The following LDB2 variants were observed in gnomAD, a reference collection of about 807,000 sequenced individuals.
LDB2 encodes the protein LIM domain-binding protein 2.
LDB2 carries 12 observed loss-of-function variants against 44.3 expected under a neutral mutation model. The observed-to-expected ratio is 0.27, with a 90% CI of 0.17 to 0.44. The LOEUF (loss-of-function observed/expected upper bound fraction) is 0.44, where lower values mean the gene tolerates loss of function less well. Ranked by LOEUF, LDB2 falls within the 20% of genes least tolerant of loss-of-function variation. The pLI, the probability that LDB2 is intolerant of heterozygous loss-of-function variation, is 1.00. For missense variants in LDB2, 344 were observed against 473.5 expected (o/e 0.73, Z 2.54); for synonymous variants, 164 against 174.8 (o/e 0.94, Z 0.49).
At chr4:16,890,047 G>A (rs941544629) in intron 1 of LDB2, among the ~76,000 whole-genome samples, 7 of 152,162 alleles carry the variant, frequency 4.6e-5, no homozygotes, top group Non-Finnish European at 1.0e-4. Context: ...ATACTTAGCT[G>A]AGTTATTACA....
intron 2 of LDB2, among the ~76,000 whole-genome samples, chr4:16,680,368 C>T (rs1207723661): frequency 3.9e-5 from 6 of 152,180 alleles, no homozygotes; most frequent in Admixed American, 2.6e-4. Context: ...TCTGCTTCAG[C>T]CTGCTCTTTG....
chr4:16,886,101 C>T (rs1012052785), intron 1 of LDB2, among the ~76,000 whole-genome samples: 1 of 151,692 alleles, frequency 6.6e-6, no homozygotes, highest in African/African-American at 2.4e-5. Context: ...TGCCTGTAGT[C>T]CCAGATACTC....
At chr4:16,874,832 C>G (rs1004476312) in intron 1 of LDB2, among the ~76,000 whole-genome samples, 1 of 152,142 alleles carries the variant, frequency 6.6e-6, no homozygotes, top group Non-Finnish European at 1.5e-5. Context: ...TTAGTAATAC[C>G]TAACCAATGT....
intron 1 of LDB2, among the ~76,000 whole-genome samples, chr4:16,868,741 A>G (rs74686156): frequency 0.015 from 2,303 of 152,258 alleles, 54 homozygotes; most frequent in African/African-American, 0.053. Context: ...CCTTTATCTC[A>G]GTGCCTTTCG....
intron 2 of LDB2, among the ~76,000 whole-genome samples, chr4:16,666,987 T>A (rs1236718565): frequency 5.9e-5 from 9 of 152,192 alleles, no homozygotes; most frequent in African/African-American, 9.7e-5. Flanking sequence ...GGTTGATTAG[T>A]TAACCTCCTG....
intron 2 of LDB2, among the ~76,000 whole-genome samples, chr4:16,729,922 C>T (rs1760380352): frequency 6.6e-6 from 1 of 152,102 alleles, no homozygotes; most frequent in South Asian, 2.1e-4. Flanking sequence ...GGGTATGAGT[C>T]GTTGTCGTGT....
At chr4:16,819,343 T>C (rs144016639) in intron 1 of LDB2, among the ~76,000 whole-genome samples, 7 of 151,908 alleles carry the variant, frequency 4.6e-5, no homozygotes, top group African/African-American at 1.2e-4. Context: ...TGTTAGGTTA[T>C]ATCTGACATA....
chr4:16,755,860 C>T (rs1404149382), intron 2 of LDB2, among the ~76,000 whole-genome samples: 2 of 152,112 alleles, frequency 1.3e-5, no homozygotes, highest in East Asian at 3.9e-4. Flanking sequence ...CTTAGGGATG[C>T]ACAGGCCAAT....
intron 5 of LDB2, among the ~76,000 whole-genome samples, chr4:16,553,560 T>C (rs1019501968): frequency 1.3e-5 from 2 of 152,124 alleles, no homozygotes; most frequent in Non-Finnish European, 2.9e-5. Context: ...TGTTTGTTTG[T>C]TTTCTGTTTT....
intron 2 of LDB2, among the ~76,000 whole-genome samples, chr4:16,709,866 G>C (rs1200790708): frequency 6.6e-6 from 1 of 152,134 alleles, no homozygotes; most frequent in African/African-American, 2.4e-5. Flanking sequence ...GAACTCTCCA[G>C]TTCACCAGGT....
Position 16,508,525 on chromosome 4 carries a change from C to T in LDB2, c.891+10G>A, listed in dbSNP as rs781660889. The T allele has an allele frequency of 5.8e-6, 9 of 1,541,668 alleles. No individual in the cohort carries two copies. Among genetic ancestry groups the T allele is most frequent in the South Asian group, 2.5e-5 (2 of 78,846 alleles). On this transcript the variant is annotated intron_variant, in intron 7 of 7. Coordinates refer to ENST00000304523, the MANE Select transcript of LDB2 (RefSeq NM_001290.5). ...TAGGATTTCGGGCCTAAGAGGAAAGCGAGACTTACAGGTACCTGACTGGAC... is the reference window on the plus strand; with the variant it reads ...TAGGATTTCGGGCCTAAGAGGAAAGTGAGACTTACAGGTACCTGACTGGAC...
chr4:16,863,231 C>T (rs183243125), intron 1 of LDB2, among the ~76,000 whole-genome samples: 1 of 152,208 alleles, frequency 6.6e-6, no homozygotes, highest in East Asian at 1.9e-4. Context: ...TGAAAAGGTG[C>T]CAAAGATAGA....
intron 5 of LDB2, among the ~76,000 whole-genome samples, chr4:16,558,429 C>A (rs1200616733): frequency 6.6e-6 from 1 of 152,054 alleles, no homozygotes; most frequent in African/African-American, 2.4e-5. Flanking sequence ...GCTTCAGGAG[C>A]CGATGCGATC....
intron 2 of LDB2, among the ~76,000 whole-genome samples, chr4:16,744,577 C>T (rs568140583): frequency 6.6e-6 from 1 of 151,650 alleles, no homozygotes; most frequent in East Asian, 2.0e-4. Flanking sequence ...TGGGTTCACA[C>T]TATTCTCCTG....
intron 2 of LDB2, among the ~76,000 whole-genome samples, chr4:16,704,599 GC>G (rs1379218823): frequency 2.6e-5 from 4 of 152,090 alleles, no homozygotes. Context: ...CTAAATCCTG[GC>G]TACAGCTCAA....
chr4:16,889,765 G>T (rs1426432934), intron 1 of LDB2, among the ~76,000 whole-genome samples: 1 of 152,164 alleles, frequency 6.6e-6, no homozygotes, highest in East Asian at 1.9e-4. Context: ...TTCTATCAAG[G>T]ACAAGCAAAT....
intron 2 of LDB2, among the ~76,000 whole-genome samples, chr4:16,712,699 AC>A (rs1389443178): frequency 6.6e-6 from 1 of 152,244 alleles, no homozygotes; most frequent in Non-Finnish European, 1.5e-5. Flanking sequence ...CTATAATCAT[AC>A]AATCACAACT....
chr4:16,599,598 C>T (rs909568027), intron 2 of LDB2, among the ~76,000 whole-genome samples: 11 of 152,058 alleles, frequency 7.2e-5, no homozygotes, highest in Non-Finnish European at 1.3e-4. Context: ...CTATACTTGC[C>T]AAGAGCTTCT....
intron 2 of LDB2, among the ~76,000 whole-genome samples, chr4:16,668,548 T>A (rs1743922286): frequency 6.6e-6 from 1 of 152,220 alleles, no homozygotes; most frequent in Non-Finnish European, 1.5e-5. Context: ...CACTTTGGTT[T>A]TCTAACATCC....
Sources: allele counts gnomAD v4.1 joint callset (sites outside exome capture counted in the v4.1 genomes callset), GRCh38; gene constraint gnomAD v4.1.1; transcripts MANE v1.5; gene names NCBI Gene and HGNC (gene_info 2026-07-23, HGNC 2026-07-21).